Variants in INTS9 observed in about 807,000 individuals in gnomAD.
INTS9 encodes protein related to CPSF subunits of 74 kDa.
INTS9 carries 55 observed loss-of-function variants against 79.7 expected under a neutral mutation model. The ratio of observed to expected loss-of-function variants is 0.69; its 90% CI spans 0.56 to 0.86. The LOEUF is 0.86. Ranked by LOEUF, INTS9 falls within the 40% of genes least tolerant of loss-of-function variation. The pLI, the probability that INTS9 is intolerant of heterozygous loss-of-function variation, is 0.00. For missense variants in INTS9, 721 were observed against 831.5 expected (o/e 0.87, Z 1.64); for synonymous variants, 319 against 325.2 (o/e 0.98, Z 0.20).
chr8:28,777,743 A>G (rs1802976641), intron 13 of INTS9, 86 bp downstream of exon 13: 2 of 1,413,158 alleles, frequency 1.4e-6, no homozygotes, highest in African/African-American at 2.9e-5. Flanking sequence ...AAACACAGCT[A>G]GATCTCTCTC....
intron 1 of INTS9, among the ~76,000 whole-genome samples, chr8:28,863,908 T>C (rs558889227): frequency 3.3e-5 from 5 of 152,378 alleles, no homozygotes; most frequent in Admixed American, 2.0e-4. Flanking sequence ...TTTCCCTGTG[T>C]GCCTTTTTTT....
In INTS9 at chr8:28,837,660, C is replaced by T. The variant is rs768340778; in HGVS notation, c.378G>A (p.Thr126=). The stretch of plus-strand genomic sequence containing the variant: ...ACCTGCCGATCTGGACGGTGGGTTC[C>T]GTGGCATACACTGTGCCTGTGAAGC... ...HTGFTGTVYA[T]EPTVQIGRLL... The change falls in exon 5 of 17, where the codon ACG becomes ACA. Residue 126 remains threonine (T), a synonymous_variant. Transcript: ENST00000521022. 12 of 1,613,276 alleles carry T rather than the reference C, an allele frequency of 7.4e-6. No homozygotes were observed. The highest frequency in any genetic ancestry group is 2.7e-5 in the African/African-American group (2 of 74,896).
intron 1 of INTS9, among the ~76,000 whole-genome samples, chr8:28,868,194 G>A (rs964412432): frequency 6.6e-6 from 1 of 152,210 alleles, no homozygotes; most frequent in African/African-American, 2.4e-5. Flanking sequence ...AAGAGGATTA[G>A]TTAGCTGACT....
intron 7 of INTS9, 47 bp downstream of exon 7, chr8:28,813,445 G>A (rs945908489): frequency 1.3e-6 from 2 of 1,570,236 alleles, no homozygotes; most frequent in Non-Finnish European, 1.8e-6. Flanking sequence ...ACAACAATAT[G>A]AATGGAAAGC....
At chr8:28,788,771 G>A (rs543757454) in intron 10 of INTS9, among the ~76,000 whole-genome samples, 3 of 152,328 alleles carry the variant, frequency 2.0e-5, no homozygotes, top group East Asian at 3.9e-4. Context: ...GAAGAACAAA[G>A]GATCACAGGC....
chr8:28,783,726 C>T (rs540715070), intron 11 of INTS9: 4 of 152,288 alleles, frequency 2.6e-5, no homozygotes, highest in East Asian at 1.9e-4. Context: ...ATAGTAAAGC[C>T]GGAGCAAACA....
intron 10 of INTS9, 128 bp downstream of exon 10, chr8:28,793,679 A>G: frequency 2.2e-6 from 2 of 914,218 alleles, no homozygotes; most frequent in Non-Finnish European, 3.2e-6. Context: ...ATCTTATCAC[A>G]GACAGAAAAA....
chr8:28,792,361 TGAAA>T (rs973635347), intron 10 of INTS9, among the ~76,000 whole-genome samples: 4 of 151,756 alleles, frequency 2.6e-5, no homozygotes, highest in African/African-American at 7.3e-5. Flanking sequence ...ACAATAAAAC[TGAAA>T]GAAAGTATGT....
intron 12 of INTS9, among the ~76,000 whole-genome samples, chr8:28,779,912 C>T (rs950959704): frequency 8.5e-5 from 13 of 152,196 alleles, no homozygotes; most frequent in South Asian, 2.1e-4. Flanking sequence ...TCCCAACAGC[C>T]GCCATGTGCC....
chr8:28,799,056 T>C (rs937105258), intron 8 of INTS9, among the ~76,000 whole-genome samples: 3 of 152,082 alleles, frequency 2.0e-5, no homozygotes, highest in Non-Finnish European at 4.4e-5. Context: ...CAGCACTTTG[T>C]GAGGCCAAGG....
chr8:28,829,282 C>T (rs1806336148), intron 6 of INTS9, among the ~76,000 whole-genome samples: 1 of 152,118 alleles, frequency 6.6e-6, no homozygotes, highest in Non-Finnish European at 1.5e-5. Context: ...AAGTCAGAGA[C>T]CCAGAATTAC....
chr8:28,871,124 C>A (rs1015259419), intron 1 of INTS9, among the ~76,000 whole-genome samples: 1 of 152,102 alleles, frequency 6.6e-6, no homozygotes, highest in Non-Finnish European at 1.5e-5. Flanking sequence ...CTAGTCACAC[C>A]GGTAGTAAGT....
chr8:28,878,645 A>ATTTTT (rs1809526332), intron 1 of INTS9, among the ~76,000 whole-genome samples: 5 of 149,790 alleles, frequency 3.3e-5, no homozygotes, highest in African/African-American at 1.3e-4. Flanking sequence ...TTTTTTTAAA[A>ATTTTT]AAAAAACAAA....
chr8:28,834,379 A>G (rs1806678128), intron 6 of INTS9, among the ~76,000 whole-genome samples: 1 of 152,108 alleles, frequency 6.6e-6, no homozygotes, highest in African/African-American at 2.4e-5. Flanking sequence ...TCAACAATAT[A>G]AAACTCAAAC....
intron 8 of INTS9, among the ~76,000 whole-genome samples, chr8:28,800,551 G>A (rs925432503): frequency 1.3e-5 from 2 of 152,206 alleles, no homozygotes; most frequent in Non-Finnish European, 2.9e-5. Context: ...CAAAGGAGGT[G>A]GGTGAGATCA....
intron 6 of INTS9, among the ~76,000 whole-genome samples, chr8:28,817,868 C>T (rs1197469791): frequency 6.6e-6 from 1 of 151,434 alleles, no homozygotes; most frequent in East Asian, 1.9e-4. Flanking sequence ...AGAGGTCCTT[C>T]ACATCCCTTG....
At chr8:28,816,094 T>C (rs1478911708) in intron 6 of INTS9, among the ~76,000 whole-genome samples, 2 of 151,632 alleles carry the variant, frequency 1.3e-5, no homozygotes, top group African/African-American at 2.4e-5. Flanking sequence ...AGAAAGAAAA[T>C]GCATGCCAAG....
intron 3 of INTS9, 26 bp downstream of exon 3, chr8:28,850,187 C>CT: frequency 6.3e-7 from 1 of 1,595,692 alleles, no homozygotes; most frequent in Non-Finnish European, 8.6e-7. Flanking sequence ...TGTAGATAGG[C>CT]TTTAGTTTGT....
intron 6 of INTS9, among the ~76,000 whole-genome samples, chr8:28,827,751 G>A (rs536616547): frequency 3.3e-5 from 5 of 152,290 alleles, no homozygotes; most frequent in South Asian, 4.1e-4. Context: ...TGACAGGAAC[G>A]ACTCTTGAGA....
Sources: allele counts gnomAD v4.1 joint callset (sites outside exome capture counted in the v4.1 genomes callset), GRCh38; gene constraint gnomAD v4.1.1; transcripts MANE v1.5; gene names NCBI Gene and HGNC (gene_info 2026-07-23, HGNC 2026-07-21).